CDH5: variants seen among roughly 807,000 people sequenced by gnomAD.
CDH5 encodes the protein cadherin 5.
CDH5 carries 28 observed loss-of-function variants against 62.0 expected under a neutral mutation model. The ratio of observed to expected loss-of-function variants is 0.45; its 90% CI spans 0.33 to 0.62. The LOEUF is 0.62. Among genes scored for constraint, CDH5 ranks in the 20% least tolerant of loss-of-function variants. CDH5 has a pLI of 0.02. For synonymous variants in CDH5, 464 were observed against 445.8 expected, an observed-to-expected ratio of 1.04 and a Z score of -0.52; for missense variants, 940 against 1,065.1, an observed-to-expected ratio of 0.88 and a Z score of 1.63.
intron 6 of CDH5, among the ~76,000 whole-genome samples, chr16:66,390,810 G>A (rs1961071373): frequency 1.3e-5 from 2 of 152,188 alleles, no homozygotes; most frequent in African/African-American, 4.8e-5. Flanking sequence ...TTATCTGGGA[G>A]GTGATCCCAG....
chr16:66,398,185 G>T (rs940448228), intron 9 of CDH5, 79 bp downstream of exon 9: 6 of 1,528,452 alleles, frequency 3.9e-6, no homozygotes, highest in Middle Eastern at 1.7e-4. Flanking sequence ...AACAGAGTCA[G>T]CAGGAGTTCC....
intron 1 of CDH5, among the ~76,000 whole-genome samples, chr16:66,374,898 T>C (rs1960757494): frequency 6.6e-6 from 1 of 152,134 alleles, no homozygotes; most frequent in African/African-American, 2.4e-5. Context: ...GCTGCACCCA[T>C]TAACTCGTCA....
Position 66,392,181 on chromosome 16 carries a change from G to A in CDH5, c.1015G>A (p.Ala339Thr), listed in dbSNP as rs1485875015. Reference sequence around the variant, plus strand: ...CCAGCAATACAGCTTCATCGTCGAGGCCACAGACCCCACCATCGACCTCCG... The same window carrying A: ...CCAGCAATACAGCTTCATCGTCGAGACCACAGACCCCACCATCGACCTCCG... ...YIQQYSFIVE[A>T]TDPTIDLRYM... The change falls in exon 7 of 12, where the codon GCC (alanine) becomes ACC (threonine). Residue 339 changes from alanine (A) to threonine (T), a missense_variant. By Grantham distance (58) the Ala-to-Thr change is moderately conservative. Transcript: ENST00000341529. The A allele has an allele frequency of 2.5e-6, 4 of 1,614,104 alleles. No individual in the cohort carries two copies. Among genetic ancestry groups the A allele is most frequent in the Non-Finnish European group, 3.4e-6 (4 of 1,180,016 alleles).
chr16:66,387,796 G>T (rs1361851652), intron 3 of CDH5, among the ~76,000 whole-genome samples: 2 of 152,056 alleles, frequency 1.3e-5, no homozygotes, highest in Non-Finnish European at 2.9e-5. Context: ...TAGCCCCAAG[G>T]TATGTCACCA....
rs894002165 is a variant in CDH5, at chr16:66,375,626, A to G, written c.-19-3693A>G. ...CATGAGTGGAGCTTCCAGGACTAGTAATTGGTCTGGGTGAGTCAGGGAGTG... is the reference window on the plus strand; with the variant it reads ...CATGAGTGGAGCTTCCAGGACTAGTGATTGGTCTGGGTGAGTCAGGGAGTG... On this transcript the variant is annotated intron_variant, in intron 1 of 11. Transcript: ENST00000341529. 3.9e-5 allele frequency among the ~76,000 whole-genome samples: 6 copies of G among 152,132 alleles called. No homozygotes were observed. The South Asian group carries it at 1.0e-3, about 26-fold the overall frequency.
Position 66,395,793 on chromosome 16 carries a change from C to T in CDH5, c.1218-266C>T, listed in dbSNP as rs532061370. ...CAGCTATGGTGTGATGTCACCTGTT[C>T]AGCTCTGAAAGTGCATCTGATGGTC... On this transcript the variant is annotated intron_variant, in intron 7 of 11. Transcript: ENST00000341529. 3.6e-5 allele frequency: 13 copies of T among 358,820 alleles called. No individual in the cohort carries two copies. In the South Asian group the frequency reaches 5.1e-4, roughly 14 times the overall value. 22.2% of individuals were successfully genotyped at this position (358,820 alleles called of 1,614,324 possible).
At chr16:66,396,390 CT>C (rs1037439111) in intron 8 of CDH5, among the ~76,000 whole-genome samples, 189 bp downstream of exon 8, 11 of 152,236 alleles carry the variant, frequency 7.2e-5, no homozygotes, top group Non-Finnish European at 1.6e-4. Context: ...TCAACATCCC[CT>C]GAGACCTTGT....
At chr16:66,370,565 G>C (rs184584323) in intron 1 of CDH5, among the ~76,000 whole-genome samples, 60 of 152,326 alleles carry the variant, frequency 3.9e-4, no homozygotes, top group African/African-American at 1.3e-3. Context: ...GCACCAGGCT[G>C]ACAGGCAGCA....
Position 66,402,679 on chromosome 16 carries a change from G to T in CDH5, c.1865G>T (p.Arg622Leu). ...ATCACCCTGCTCATCTTCCTGCGGC[G>T]GCGGCTCCGGAAGCAGGCCCGCGCG... ...TVITLLIFLR[R>L]RLRKQARAHG... Residue 622 changes from arginine to leucine, a missense_variant, in exon 12 of 12, where the codon CGG becomes CTG. Arg to Leu is a moderately radical substitution (Grantham distance 102, BLOSUM62 -2). Transcript: ENST00000341529. 1.9e-6 allele frequency: 3 copies of T among 1,603,784 alleles called. No homozygotes were observed. The highest frequency in any genetic ancestry group is 2.5e-6 in the Non-Finnish European group (3 of 1,176,542).
chr16:66,373,777 G>A (rs1469589578), intron 1 of CDH5, among the ~76,000 whole-genome samples: 5 of 152,118 alleles, frequency 3.3e-5, no homozygotes, highest in Admixed American at 3.3e-4. Flanking sequence ...ATTGAGTATA[G>A]AAGGAGCCTA....
intron 2 of CDH5, among the ~76,000 whole-genome samples, chr16:66,379,924 G>GCT (rs1960861535): frequency 7.4e-6 from 1 of 134,704 alleles, no homozygotes; most frequent in Admixed American, 7.5e-5. Context: ...TAAAGGGGTA[G>GCT]GTGTTGGTGG....
At chr16:66,387,577 T>G (rs752374932) in intron 3 of CDH5, among the ~76,000 whole-genome samples, 17 of 152,246 alleles carry the variant, frequency 1.1e-4, no homozygotes, top group Non-Finnish European at 1.5e-4. Context: ...AGTCATAGAC[T>G]GTGCCCTGAT....
chr16:66,387,058 C>G lies in CDH5; in HGVS notation c.460C>G (p.Arg154Gly), dbSNP rs565746566. ...VNDNWPVFTH[R>G]LFNASVPESS... ...CGACAACTGGCCTGTGTTCACGCAT[C>G]GGTTGTTCAATGCGTCCGTGCCTGA... The change falls in exon 3 of 12, where the codon CGG (arginine) becomes GGG (glycine). Residue 154 changes from arginine to glycine, a missense_variant. Coordinates refer to ENST00000341529, the MANE Select transcript of CDH5 (RefSeq NM_001795.5). 2.5e-6 allele frequency: 4 copies of G among 1,613,912 alleles called. No homozygotes were observed. Among genetic ancestry groups the G allele is most frequent in the African/African-American group, 1.3e-5 (1 of 74,910 alleles).
At chr16:66,391,462 G>A (rs1961082824) in intron 6 of CDH5, among the ~76,000 whole-genome samples, 1 of 151,968 alleles carries the variant, frequency 6.6e-6, no homozygotes, top group Non-Finnish European at 1.5e-5. Flanking sequence ...GAAGGATCTT[G>A]AGCAAAGGCA....
chr16:66,381,422 G>T (rs990755253), intron 2 of CDH5, among the ~76,000 whole-genome samples: 6 of 152,174 alleles, frequency 3.9e-5, no homozygotes, highest in Admixed American at 1.3e-4. Flanking sequence ...TGATGTCAAA[G>T]CTATCCAGTC....
intron 5 of CDH5, among the ~76,000 whole-genome samples, chr16:66,390,069 A>G (rs1345600387): frequency 6.6e-6 from 1 of 152,216 alleles, no homozygotes; most frequent in Non-Finnish European, 1.5e-5. Flanking sequence ...CAGCCACCCT[A>G]GAGACAGGCC....
chr16:66,370,306 C>T (rs767513735), intron 1 of CDH5, among the ~76,000 whole-genome samples: 1 of 151,962 alleles, frequency 6.6e-6, no homozygotes, highest in Non-Finnish European at 1.5e-5. Flanking sequence ...TGGCCAGGGA[C>T]TCTTAAGAAG....
intron 1 of CDH5, among the ~76,000 whole-genome samples, chr16:66,370,810 C>T (rs1766425949): frequency 6.6e-6 from 1 of 152,202 alleles, no homozygotes; most frequent in African/African-American, 2.4e-5. Flanking sequence ...GGGCAAAAAG[C>T]CTGCTGCTGA....
chr16:66,382,341 A>C (rs1330013708), intron 2 of CDH5, among the ~76,000 whole-genome samples: 1 of 152,200 alleles, frequency 6.6e-6, no homozygotes, highest in Non-Finnish European at 1.5e-5. Flanking sequence ...GTCCTCCAGC[A>C]TGGCCACTCA....
Sources: gnomAD v4.1 joint callset for allele counts (sites outside exome capture counted in the v4.1 genomes callset) on GRCh38, gnomAD v4.1.1 for gene constraint, MANE v1.5 for transcripts, NCBI Gene and HGNC (gene_info 2026-07-23, HGNC 2026-07-21) for gene names.